The following LYRM4 variants were observed in gnomAD, a reference collection of about 807,000 sequenced individuals.
LYRM4 encodes the protein LYR motif containing 4.
Under a neutral mutation model 11.7 loss-of-function variants are expected in LYRM4, and 9 were observed. That is an observed-to-expected ratio of 0.77 (90% CI 0.46 to 1.34). The LOEUF is 1.34. LYRM4 is among the 40% of genes most tolerant of loss of function. The pLI is 0.00. For synonymous variants in LYRM4, 42 were observed against 40.4 expected (o/e 1.04, Z -0.15); for missense variants, 133 against 112.5 (o/e 1.18, Z -0.82).
intron 2 of LYRM4, among the ~76,000 whole-genome samples, chr6:5,214,060 C>T (rs921865295): frequency 2.0e-5 from 3 of 152,340 alleles, no homozygotes; most frequent in South Asian, 2.1e-4. Flanking sequence ...CCATGCTCTT[C>T]GCCACCCAGT....
chr6:5,212,462 C>T (rs1048342814), intron 2 of LYRM4, among the ~76,000 whole-genome samples: 6 of 152,152 alleles, frequency 3.9e-5, no homozygotes, highest in African/African-American at 1.4e-4. Context: ...GCTATTTGCC[C>T]AAGCCTACAA....
the LYRM4 span, among the ~76,000 whole-genome samples, chr6:5,045,680 G>A: frequency 2.2e-3 from 331 of 152,218 alleles, 1 homozygote; most frequent in Non-Finnish European, 3.7e-3. Context: ...TCCTCTCCCC[G>A]TCTGCTTCTT....
chr6:5,078,979 A>C, the LYRM4 span, among the ~76,000 whole-genome samples: 1 of 152,254 alleles, frequency 6.6e-6, no homozygotes, highest in African/African-American at 2.4e-5. Flanking sequence ...TATATGGTGT[A>C]GGAGAGGAAA....
the LYRM4 span, among the ~76,000 whole-genome samples, chr6:5,076,161 G>C: frequency 6.6e-6 from 1 of 152,070 alleles, no homozygotes; most frequent in Non-Finnish European, 1.5e-5. Context: ...GCCCAGGCTG[G>C]TCTCAAACTC....
intron 1 of LYRM4, among the ~76,000 whole-genome samples, chr6:5,238,981 T>C (rs1763707242): frequency 6.6e-6 from 1 of 152,212 alleles, no homozygotes; most frequent in Admixed American, 6.5e-5. Context: ...TGATAACCCA[T>C]TATGCTACTT....
At chr6:5,202,785 G>C (rs1003858466) in intron 2 of LYRM4, among the ~76,000 whole-genome samples, 1 of 152,176 alleles carries the variant, frequency 6.6e-6, no homozygotes, top group African/African-American at 2.4e-5. Context: ...TGTTGGCTTA[G>C]ACTTTTTGCT....
the LYRM4 span, among the ~76,000 whole-genome samples, chr6:5,073,932 C>T: frequency 3.9e-4 from 60 of 152,300 alleles, no homozygotes; most frequent in East Asian, 0.011. Context: ...ACCTTCCTGT[C>T]ATGCTGCTGC....
chr6:5,233,840 G>C (rs973556527), intron 1 of LYRM4, among the ~76,000 whole-genome samples: 2 of 152,170 alleles, frequency 1.3e-5, no homozygotes, highest in Non-Finnish European at 2.9e-5. Flanking sequence ...ATATGTTCAC[G>C]GTCCCTTCTC....
intron 1 of LYRM4, among the ~76,000 whole-genome samples, chr6:5,257,885 TAGA>T (rs1485043525): frequency 6.6e-6 from 1 of 152,142 alleles, no homozygotes; most frequent in Non-Finnish European, 1.5e-5. Context: ...AGATGTTTTG[TAGA>T]AGCACTGAGG....
At chr6:5,244,675 A>G (rs575555767) in intron 1 of LYRM4, among the ~76,000 whole-genome samples, 2 of 152,194 alleles carry the variant, frequency 1.3e-5, no homozygotes, top group Admixed American at 1.3e-4. Context: ...TGCTGTCTGC[A>G]TGGCCACCTA....
rs1762280579 is a variant in LYRM4 at position 5,216,531 on chromosome 6, C to A, written c.207+87G>T. On this transcript the variant is annotated intron_variant, in intron 2 of 2. Coordinates refer to ENST00000330636, the MANE Select transcript of LYRM4 (RefSeq NM_020408.6). ...ATGATCCTGCTCTGTAAATCACCAA[C>A]ACCAAAAGCACGGCTGTCTAATCAA... The A allele has an allele frequency of 1.3e-5, 20 of 1,508,192 alleles. 1 individual carries two copies. The South Asian group carries it at 2.3e-4, about 17-fold the overall frequency. The allele number at this position is 1,508,192 out of a possible 1,614,324, so 93.4% of individuals were successfully genotyped here.
intron 2 of LYRM4, chr6:5,113,526 A>C: frequency 3.5e-6 from 1 of 285,180 alleles, no homozygotes. Flanking sequence ...CTGAAGGGGG[A>C]CCCACCCTTG....
intron 2 of LYRM4, among the ~76,000 whole-genome samples, chr6:5,116,492 C>T (rs887272918): frequency 2.0e-5 from 3 of 152,264 alleles, no homozygotes; most frequent in African/African-American, 4.8e-5. Context: ...CAGCACACAA[C>T]GGGAGGCTAG....
chr6:5,151,716 A>G (rs931768451), intron 2 of LYRM4, among the ~76,000 whole-genome samples: 2 of 152,224 alleles, frequency 1.3e-5, no homozygotes, highest in Admixed American at 1.3e-4. Flanking sequence ...CTAGGGGCAG[A>G]TTATTTATTC....
the LYRM4 span, among the ~76,000 whole-genome samples, chr6:5,083,984 A>T: frequency 6.6e-6 from 1 of 152,210 alleles, no homozygotes; most frequent in African/African-American, 2.4e-5. Flanking sequence ...CACAAACGCT[A>T]GGGAGCTGGG....
chr6:5,136,661 G>A, intron 2 of LYRM4: 1 of 985,384 alleles, frequency 1.0e-6, no homozygotes, highest in Non-Finnish European at 1.2e-6. Flanking sequence ...TGTCAAAGAA[G>A]GTGGCATTTA....
intron 1 of LYRM4, among the ~76,000 whole-genome samples, chr6:5,231,138 G>A (rs531352068): frequency 2.5e-4 from 38 of 152,162 alleles, no homozygotes; most frequent in South Asian, 4.1e-4. Flanking sequence ...TTAGCTGGGC[G>A]TGGTGGCGGG....
chr6:5,221,350 C>A (rs1196348571), intron 1 of LYRM4, among the ~76,000 whole-genome samples: 2 of 152,214 alleles, frequency 1.3e-5, no homozygotes, highest in African/African-American at 2.4e-5. Flanking sequence ...ACCCAATTGC[C>A]TTTTGCACTT....
chr6:5,159,026 G>GCC (rs1758589431), intron 2 of LYRM4, among the ~76,000 whole-genome samples: 1 of 152,194 alleles, frequency 6.6e-6, no homozygotes, highest in Admixed American at 6.5e-5. Flanking sequence ...GGGGAGGTGG[G>GCC]ATCATGGAAA....
Sources: allele counts gnomAD v4.1 joint callset (sites outside exome capture counted in the v4.1 genomes callset), GRCh38; gene constraint gnomAD v4.1.1; transcripts MANE v1.5; gene names NCBI Gene and HGNC (gene_info 2026-07-23, HGNC 2026-07-21).